RALYL: variants seen among roughly 807,000 people sequenced by gnomAD.
RALYL encodes RNA-binding Raly-like protein.
Under a neutral mutation model 35.1 loss-of-function variants are expected in RALYL, and 29 were observed. The observed-to-expected ratio is 0.83, with a 90% CI of 0.61 to 1.13. The LOEUF is 1.13. RALYL is among the 50% of genes most tolerant of loss of function. The pLI is 0.00. For missense variants in RALYL, 359 were observed against 360.4 expected, an observed-to-expected ratio of 1.00 and a Z score of 0.03; for synonymous variants, 120 against 127.6, an observed-to-expected ratio of 0.94 and a Z score of 0.40.
intron 1 of RALYL, among the ~76,000 whole-genome samples, chr8:84,523,243 G>T (rs915808140): frequency 2.0e-5 from 3 of 151,798 alleles, no homozygotes; most frequent in Non-Finnish European, 4.4e-5. Context: ...CATGACATAT[G>T]GCAGCAGGCA....
chr8:84,830,411 A>C (rs1290837397), intron 4 of RALYL, among the ~76,000 whole-genome samples: 1 of 152,166 alleles, frequency 6.6e-6, no homozygotes, highest in Non-Finnish European at 1.5e-5. Flanking sequence ...GGTCTAACAC[A>C]AAAGGGAAGG....
rs117608343 is a variant in RALYL at position 84,780,716 on chromosome 8, A to G, written c.332+6062A>G. ...CTTTTTGGGCTGCATAAAGGAAGAT[A>G]TAAAATTTCCTAAAAGGTAATGTAT... On this transcript the variant is annotated intron_variant, in intron 3 of 8. Coordinates refer to ENST00000521268, the MANE Select transcript of RALYL (RefSeq NM_173848.7). Among the ~76,000 whole-genome samples, 1,261 of 152,338 alleles carry G rather than the reference A, an allele frequency of 8.3e-3. 16 individuals are homozygous for G. The highest frequency in any genetic ancestry group is 0.027 in the Middle Eastern group (8 of 294).
intron 2 of RALYL, among the ~76,000 whole-genome samples, chr8:84,728,115 C>G (rs1845366447): frequency 6.6e-6 from 1 of 151,472 alleles, no homozygotes; most frequent in African/African-American, 2.4e-5. Flanking sequence ...TCCTATTTCT[C>G]CACATCCTCT....
chr8:84,671,094 G>A (rs1260482539), intron 2 of RALYL, among the ~76,000 whole-genome samples: 3 of 152,160 alleles, frequency 2.0e-5, no homozygotes, highest in Non-Finnish European at 4.4e-5. Flanking sequence ...CCAAAACGAA[G>A]GGTCTATAGG....
intron 1 of RALYL, among the ~76,000 whole-genome samples, chr8:84,324,214 G>A (rs1342003001): frequency 6.6e-6 from 1 of 152,128 alleles, no homozygotes; most frequent in African/African-American, 2.4e-5. Flanking sequence ...CTGGTTATTT[G>A]ACTTTGAGTA....
intron 1 of RALYL, among the ~76,000 whole-genome samples, chr8:84,336,255 T>C (rs1482741792): frequency 6.6e-6 from 1 of 152,188 alleles, no homozygotes; most frequent in African/African-American, 2.4e-5. Context: ...TGATAACTGC[T>C]AGATCTACTG....
chr8:84,705,131 C>T (rs1204163353), intron 2 of RALYL, among the ~76,000 whole-genome samples: 4 of 152,124 alleles, frequency 2.6e-5, no homozygotes, highest in African/African-American at 9.7e-5. Flanking sequence ...GGCAGTGTTC[C>T]TGGGCTTCTG....
chr8:84,202,187 CTT>C (rs1411288415), intron 1 of RALYL, among the ~76,000 whole-genome samples: 4 of 149,518 alleles, frequency 2.7e-5, no homozygotes, highest in Non-Finnish European at 3.0e-5. Context: ...AATTTATAGA[CTT>C]AATTTATATT....
chr8:84,308,976 G>A (rs2129715024), intron 1 of RALYL, among the ~76,000 whole-genome samples: 1 of 151,428 alleles, frequency 6.6e-6, no homozygotes, highest in East Asian at 1.9e-4. Context: ...TTGAATTAAG[G>A]CAATAATTAC....
intron 3 of RALYL, among the ~76,000 whole-genome samples, chr8:84,801,961 A>G (rs528218060): frequency 6.6e-6 from 1 of 152,174 alleles, no homozygotes; most frequent in African/African-American, 2.4e-5. Flanking sequence ...AAATAACTTG[A>G]TATGTATTAA....
chr8:84,396,811 G>GGATTGTCT (rs756659201), intron 1 of RALYL, among the ~76,000 whole-genome samples: 2 of 151,922 alleles, frequency 1.3e-5, no homozygotes, highest in Non-Finnish European at 2.9e-5. Flanking sequence ...AAAATGATCA[G>GGATTGTCT]GATTGTCTTT....
At chr8:84,903,535 A>T (rs1478188468) in intron 8 of RALYL, among the ~76,000 whole-genome samples, 1 of 152,080 alleles carries the variant, frequency 6.6e-6, no homozygotes, top group African/African-American at 2.4e-5. Context: ...CATATGAGGG[A>T]GTTCTATGGG....
intron 1 of RALYL, among the ~76,000 whole-genome samples, chr8:84,295,126 C>T (rs56999878): frequency 0.047 from 7,202 of 152,074 alleles, 266 homozygotes; most frequent in African/African-American, 0.083. Context: ...AAAGATATGA[C>T]AGTGGATTGG....
At chr8:84,504,182 A>C (rs1471129042) in intron 1 of RALYL, among the ~76,000 whole-genome samples, 4 of 152,138 alleles carry the variant, frequency 2.6e-5, no homozygotes. Context: ...TTAACAGGCA[A>C]TTCAAAAAAG....
chr8:84,722,699 G>T (rs1213867278), intron 2 of RALYL, among the ~76,000 whole-genome samples: 2 of 135,598 alleles, frequency 1.5e-5, no homozygotes, highest in Admixed American at 7.5e-5. Flanking sequence ...TATATTGTAT[G>T]GTATGTTTTG....
intron 7 of RALYL, among the ~76,000 whole-genome samples, chr8:84,886,751 A>G (rs1179098879): frequency 6.6e-6 from 1 of 152,230 alleles, no homozygotes; most frequent in Non-Finnish European, 1.5e-5. Context: ...TGGAATGCAC[A>G]GATCCTGACA....
At chr8:84,820,014 A>G (rs928483862) in intron 4 of RALYL, among the ~76,000 whole-genome samples, 15 of 152,192 alleles carry the variant, frequency 9.9e-5, no homozygotes, top group Admixed American at 5.2e-4. Context: ...TTTCATCACA[A>G]TAAATTATAG....
At chr8:84,716,760 G>T (rs1377714632) in intron 2 of RALYL, among the ~76,000 whole-genome samples, 1 of 152,196 alleles carries the variant, frequency 6.6e-6, no homozygotes, top group East Asian at 1.9e-4. Context: ...AAGAACCCAA[G>T]CTAGAGTTTG....
chr8:84,192,367 A>G (rs911087830), intron 1 of RALYL, among the ~76,000 whole-genome samples: 10 of 152,208 alleles, frequency 6.6e-5, no homozygotes, highest in African/African-American at 2.2e-4. Flanking sequence ...ATTAAAAAGG[A>G]CTAAAGACAA....
Sources: gnomAD v4.1 joint callset for allele counts (sites outside exome capture counted in the v4.1 genomes callset) on GRCh38, gnomAD v4.1.1 for gene constraint, MANE v1.5 for transcripts, NCBI Gene and HGNC (gene_info 2026-07-23, HGNC 2026-07-21) for gene names.